The following RCAN2 variants were observed in gnomAD, a reference collection of about 807,000 sequenced individuals.
RCAN2 encodes the protein regulator of calcineurin 2, also known as calcipressin-2.
Under a neutral mutation model 23.6 loss-of-function variants are expected in RCAN2, and 9 were observed. The ratio of observed to expected loss-of-function variants is 0.38; its 90% CI spans 0.23 to 0.67. The LOEUF (loss-of-function observed/expected upper bound fraction) is 0.67, where lower values mean the gene tolerates loss of function less well. Ranked by LOEUF, RCAN2 falls within the 30% of genes least tolerant of loss-of-function variation. The pLI is 0.51. For synonymous variants in RCAN2, 109 were observed against 115.7 expected, an observed-to-expected ratio of 0.94 and a Z score of 0.37; for missense variants, 273 against 302.3, an observed-to-expected ratio of 0.90 and a Z score of 0.72.
At chr6:46,227,069 A>G (rs543090899) in intron 4 of RCAN2, among the ~76,000 whole-genome samples, 15 of 152,162 alleles carry the variant, frequency 9.9e-5, no homozygotes, top group African/African-American at 3.6e-4. Context: ...CTTTGGTTCT[A>G]TTTATATGAT....
intron 2 of RCAN2, among the ~76,000 whole-genome samples, chr6:46,281,569 T>C (rs1158816719): frequency 6.6e-6 from 1 of 152,188 alleles, no homozygotes; most frequent in African/African-American, 2.4e-5. Context: ...GGCTCACCAG[T>C]GATGTAGCAG....
At chr6:46,379,035 C>T (rs1314414866) in intron 2 of RCAN2, among the ~76,000 whole-genome samples, 1 of 152,156 alleles carries the variant, frequency 6.6e-6, no homozygotes, top group Non-Finnish European at 1.5e-5. Flanking sequence ...AATGAGGACA[C>T]AAGAAGCTTT....
At chr6:46,477,161 T>C (rs969669537) in intron 1 of RCAN2, among the ~76,000 whole-genome samples, 1 of 152,122 alleles carries the variant, frequency 6.6e-6, no homozygotes, top group Non-Finnish European at 1.5e-5. Flanking sequence ...TCATGTCCTT[T>C]AGAATCCTCC....
chr6:46,227,331 C>G (rs1343507245), intron 4 of RCAN2, among the ~76,000 whole-genome samples: 7 of 152,114 alleles, frequency 4.6e-5, no homozygotes, highest in Admixed American at 3.9e-4. Context: ...TCCTCTTTTT[C>G]TATTACTGGA....
intron 1 of RCAN2, among the ~76,000 whole-genome samples, chr6:46,468,151 T>C (rs2150439533): frequency 6.6e-6 from 1 of 152,358 alleles, no homozygotes; most frequent in African/African-American, 2.4e-5. Context: ...CTATAATTGC[T>C]TAATCTAACT....
intron 2 of RCAN2, among the ~76,000 whole-genome samples, chr6:46,299,973 T>C (rs567695891): frequency 6.6e-6 from 1 of 151,870 alleles, no homozygotes; most frequent in Non-Finnish European, 1.5e-5. Context: ...TTTTATGATA[T>C]ACACGAAGAT....
intron 2 of RCAN2, among the ~76,000 whole-genome samples, chr6:46,304,476 CTTAT>C (rs1467393266): frequency 6.6e-6 from 1 of 152,038 alleles, no homozygotes; most frequent in Non-Finnish European, 1.5e-5. Context: ...ATTTTTGTGT[CTTAT>C]TTAAGAAATC....
At chr6:46,394,604 T>A (rs1766035043) in intron 2 of RCAN2, among the ~76,000 whole-genome samples, 1 of 152,218 alleles carries the variant, frequency 6.6e-6, no homozygotes, top group Non-Finnish European at 1.5e-5. Context: ...CATTTTAAAT[T>A]TTCTCTATAA....
intron 2 of RCAN2, among the ~76,000 whole-genome samples, chr6:46,262,613 T>TAAATAAATAAATAAATAAATAAAG (rs1219001365): frequency 1.3e-5 from 2 of 151,938 alleles, no homozygotes; most frequent in African/African-American, 4.8e-5. Flanking sequence ...AATAAATAAA[T>TAAATAAATAAATAAATAAATAAAG]AAAGCAAAAG....
chr6:46,427,376 G>T (rs1767059040), intron 2 of RCAN2, among the ~76,000 whole-genome samples: 1 of 152,106 alleles, frequency 6.6e-6, no homozygotes, highest in African/African-American at 2.4e-5. Context: ...GTTAGTTACT[G>T]ACCTTCAATT....
intron 2 of RCAN2, among the ~76,000 whole-genome samples, chr6:46,309,498 G>A (rs1372530968): frequency 1.3e-5 from 2 of 152,168 alleles, no homozygotes; most frequent in African/African-American, 2.4e-5. Context: ...GAGGCACCAT[G>A]ATCTTCCTAA....
intron 2 of RCAN2, among the ~76,000 whole-genome samples, chr6:46,433,208 A>G (rs572410695): frequency 6.6e-6 from 1 of 152,284 alleles, no homozygotes; most frequent in South Asian, 2.1e-4. Context: ...TAGTCTACAT[A>G]TGGTCCTCAG....
Position 46,223,225 on chromosome 6 carries a change from C to T in RCAN2, c.648G>A (p.Glu216=). Residue 216 remains glutamate (E), a synonymous_variant, in exon 5 of 5, where the codon GAG becomes GAA. Coordinates refer to ENST00000371374, the MANE Select transcript of RCAN2 (RefSeq NM_001251974.2). Reference sequence around the variant, plus strand: ...GGGAAGTCTTTGGGTCCTCTTCTTCCTCTATGTCACTGTCGCACACGTGCA... The same window carrying T: ...GGGAAGTCTTTGGGTCCTCTTCTTCTTCTATGTCACTGTCGCACACGTGCA... ...VVVHVCDSDI[E]EEEDPKTSPK... The T allele has an allele frequency of 6.2e-7, 1 of 1,613,998 alleles. No homozygotes were observed. Among genetic ancestry groups the T allele is most frequent in the South Asian group, 1.1e-5 (1 of 91,060 alleles).
intron 1 of RCAN2, among the ~76,000 whole-genome samples, chr6:46,470,437 C>T (rs1768527217): frequency 6.6e-6 from 1 of 152,194 alleles, no homozygotes; most frequent in African/African-American, 2.4e-5. Flanking sequence ...ATTTATAAAA[C>T]CTAGTTCAGT....
chr6:46,370,936 C>T (rs1434610555), intron 2 of RCAN2, among the ~76,000 whole-genome samples: 1 of 152,168 alleles, frequency 6.6e-6, no homozygotes, highest in African/African-American at 2.4e-5. Context: ...TCAATTTACA[C>T]TATTTAGTGA....
At chr6:46,377,414 G>A (rs1432841817) in intron 2 of RCAN2, among the ~76,000 whole-genome samples, 1 of 152,204 alleles carries the variant, frequency 6.6e-6, no homozygotes, top group Non-Finnish European at 1.5e-5. Flanking sequence ...ACTAAACGGA[G>A]TCACGTAATT....
intron 2 of RCAN2, among the ~76,000 whole-genome samples, chr6:46,431,891 A>G (rs1461112819): frequency 6.6e-6 from 1 of 152,200 alleles, no homozygotes; most frequent in Non-Finnish European, 1.5e-5. Context: ...AAAGGCCCTG[A>G]TATGTATTGA....
chr6:46,420,683 A>C (rs1367661357), intron 2 of RCAN2, among the ~76,000 whole-genome samples: 1 of 151,618 alleles, frequency 6.6e-6, no homozygotes, highest in Non-Finnish European at 1.5e-5. Flanking sequence ...AGCTGGGATT[A>C]CAGGTACCCA....
intron 4 of RCAN2, among the ~76,000 whole-genome samples, chr6:46,230,344 C>G (rs1439976852): frequency 6.6e-6 from 1 of 152,206 alleles, no homozygotes; most frequent in Non-Finnish European, 1.5e-5. Flanking sequence ...TTTCTGCTGC[C>G]TTTTGTTCAG....
Sources: gnomAD v4.1 joint callset for allele counts (sites outside exome capture counted in the v4.1 genomes callset) on GRCh38, gnomAD v4.1.1 for gene constraint, MANE v1.5 for transcripts, NCBI Gene and HGNC (gene_info 2026-07-23, HGNC 2026-07-21) for gene names.